The following RFFL variants were observed in gnomAD, a reference collection of about 807,000 sequenced individuals.
RFFL encodes the protein ring finger and FYVE like domain containing E3 ubiquitin protein ligase, also known as E3 ubiquitin-protein ligase rififylin.
RFFL carries 16 observed loss-of-function variants against 40.4 expected under a neutral mutation model. That is an observed-to-expected ratio of 0.40 (90% CI 0.27 to 0.60). RFFL has a LOEUF of 0.60. Ranked by LOEUF, RFFL falls within the 20% of genes least tolerant of loss-of-function variation. RFFL has a pLI of 0.47. For synonymous variants in RFFL, 154 were observed against 167.9 expected (o/e 0.92, Z 0.64); for missense variants, 367 against 451.7 (o/e 0.81, Z 1.70).
intron 6 of RFFL, among the ~76,000 whole-genome samples, chr17:35,013,080 G>A (rs886945739): frequency 6.6e-6 from 1 of 152,228 alleles, no homozygotes; most frequent in African/African-American, 2.4e-5. Context: ...TTAACTCACT[G>A]AAGCCTCACA....
At chr17:35,067,805 G>A (rs1300629716), upstream of RFFL, among the ~76,000 whole-genome samples, 1 of 152,024 alleles carries the variant, frequency 6.6e-6, no homozygotes, top group African/African-American at 2.4e-5. Context: ...TTGAGAAAAA[G>A]GACACAGCTA....
intron 1 of RFFL, among the ~76,000 whole-genome samples, chr17:35,078,148 C>A (rs2091386147): frequency 6.6e-6 from 1 of 152,028 alleles, no homozygotes; most frequent in African/African-American, 2.4e-5. Flanking sequence ...GGCTAGGAAC[C>A]AGGAATCTTT....
intron 6 of RFFL, 71 bp from the exon 7 acceptor site, chr17:35,012,220 A>G (rs2090945412): frequency 7.4e-7 from 1 of 1,354,464 alleles, no homozygotes; most frequent in Middle Eastern, 2.0e-4. Flanking sequence ...TATAGGGGTG[A>G]CTGGGGGAGG....
chr17:35,007,607 T>C lies in RFFL; in HGVS notation c.*4361A>G, dbSNP rs535727457. 1 of 152,422 alleles carries C rather than the reference T, an allele frequency of 6.6e-6. No individual in the cohort carries two copies. Among genetic ancestry groups the C allele is most frequent in the South Asian group, 2.1e-4 (1 of 4,822 alleles). 9.4% of individuals were successfully genotyped at this position (152,422 alleles called of 1,614,324 possible). A position where few individuals can be genotyped will look rare whatever the true frequency, so the allele number is the denominator to read the frequency against. Reference sequence around the variant, plus strand: ...CCTTTCTCTTCTCAGTCACAGCAGATGGACACATAATCTTGTTCTCCCAGG... The same window carrying C: ...CCTTTCTCTTCTCAGTCACAGCAGACGGACACATAATCTTGTTCTCCCAGG... On this transcript the variant is annotated 3_prime_UTR_variant, in exon 7 of 7. Coordinates refer to ENST00000394597, the MANE Select transcript of RFFL (RefSeq NM_001017368.2).
Position 35,026,490 on chromosome 17 carries a change from G to T in RFFL, c.64C>A (p.Gln22Lys), listed in dbSNP as rs767637289. 1.9e-6 allele frequency: 3 copies of T among 1,612,210 alleles called. No homozygotes were observed. The highest frequency in any genetic ancestry group is 2.5e-6 in the Non-Finnish European group (3 of 1,179,412). ...GAATAGGCCTGCATCCTGGCTCCCT[G>T]GGGTGGTGGGACCTCCTCAGGCTGT... ...DGQPEEVPPP[Q>K]GARMQAYSNP... The change falls in exon 2 of 7, where the codon CAG becomes AAG. Residue 22 changes from glutamine (Q) to lysine (K), a missense_variant. Coordinates refer to ENST00000394597, the MANE Select transcript of RFFL (RefSeq NM_001017368.2).
chr17:35,057,950 G>C (rs573254894), intron 1 of RFFL, among the ~76,000 whole-genome samples: 5 of 151,734 alleles, frequency 3.3e-5, no homozygotes, highest in South Asian at 2.1e-4. Context: ...ATGTATTTTT[G>C]TCTATTATAC....
chr17:35,033,387 G>C (rs1238185883), intron 1 of RFFL, among the ~76,000 whole-genome samples: 15 of 151,792 alleles, frequency 9.9e-5, no homozygotes, highest in Admixed American at 9.8e-4. Flanking sequence ...AATTACCCGG[G>C]TATGGTAGCA....
intron 3 of RFFL, among the ~76,000 whole-genome samples, chr17:35,020,532 G>A (rs2091002116): frequency 6.6e-6 from 1 of 151,630 alleles, no homozygotes; most frequent in African/African-American, 2.4e-5. Flanking sequence ...ACCCCAGTCT[G>A]TGGAAAAATT....
chr17:35,046,825 C>T (rs1433497240), intron 1 of RFFL, among the ~76,000 whole-genome samples: 2 of 152,216 alleles, frequency 1.3e-5, no homozygotes, highest in African/African-American at 4.8e-5. Flanking sequence ...AATTAAATGG[C>T]TGCTTCTTAG....
chr17:35,052,152 C>A (rs1243086862), intron 1 of RFFL, among the ~76,000 whole-genome samples: 2 of 152,190 alleles, frequency 1.3e-5, no homozygotes, highest in Non-Finnish European at 2.9e-5. Flanking sequence ...TGCATTATTT[C>A]TTTGGTCAAA....
chr17:35,056,830 G>A (rs2091264267), intron 1 of RFFL, among the ~76,000 whole-genome samples: 1 of 152,052 alleles, frequency 6.6e-6, no homozygotes, highest in Admixed American at 6.6e-5. Context: ...GAGTAGCCAG[G>A]GTAACCTTTT....
intron 1 of RFFL, among the ~76,000 whole-genome samples, chr17:35,081,920 C>T (rs776891184): frequency 1.3e-5 from 2 of 151,874 alleles, no homozygotes; most frequent in Non-Finnish European, 2.9e-5. Flanking sequence ...ATAAATGATT[C>T]CCAATCAATA....
At chr17:35,071,526 G>A (rs1177752277) in intron 1 of RFFL, among the ~76,000 whole-genome samples, 1 of 151,902 alleles carries the variant, frequency 6.6e-6, no homozygotes, top group Admixed American at 6.5e-5. Context: ...GCTGAGGCAG[G>A]AGACTTGCTT....
chr17:35,013,686 A>G (rs1289978409), intron 6 of RFFL, among the ~76,000 whole-genome samples: 7 of 152,328 alleles, frequency 4.6e-5, no homozygotes, highest in East Asian at 1.9e-4. Flanking sequence ...AGACTATACA[A>G]ATACCTAAGA....
At chr17:35,047,321 G>A (rs1305314863) in intron 1 of RFFL, among the ~76,000 whole-genome samples, 1 of 152,174 alleles carries the variant, frequency 6.6e-6, no homozygotes, top group African/African-American at 2.4e-5. Flanking sequence ...AAAGTGGACT[G>A]CACGAAAATT....
At chr17:35,027,260 T>C (rs1383330632) in intron 1 of RFFL, among the ~76,000 whole-genome samples, 3 of 152,192 alleles carry the variant, frequency 2.0e-5, no homozygotes, top group Non-Finnish European at 4.4e-5. Context: ...TATTATACTT[T>C]CTTGCACAGT....
intron 1 of RFFL, among the ~76,000 whole-genome samples, chr17:35,027,988 G>A (rs1034970023): frequency 3.3e-5 from 5 of 150,418 alleles, no homozygotes; most frequent in South Asian, 2.1e-4. Flanking sequence ...ACGGGAGATC[G>A]TGCCATTGCA....
rs1306964893 is a variant in RFFL, at chr17:35,009,287, C to T, written c.*2681G>A. On this transcript the variant is annotated 3_prime_UTR_variant, in exon 7 of 7. Coordinates refer to ENST00000394597, the MANE Select transcript of RFFL (RefSeq NM_001017368.2). ...ACAAATTTATACAATGTATATTGAG[C>T]ACTAGTTCCTGTACAGCTTATTCTT... The T allele has an allele frequency of 6.6e-6, 1 of 152,434 alleles. No individual in the cohort carries two copies. The highest frequency in any genetic ancestry group is 1.5e-5 in the Non-Finnish European group (1 of 68,036). 9.4% of individuals were successfully genotyped at this position (152,434 alleles called of 1,614,324 possible).
chr17:35,060,314 G>A (rs186749094), intron 1 of RFFL, among the ~76,000 whole-genome samples: 24 of 152,320 alleles, frequency 1.6e-4, no homozygotes, highest in East Asian at 1.3e-3. Flanking sequence ...TGATGATAAA[G>A]TGGCCTTGTA....
Sources: gnomAD v4.1 joint callset for allele counts (sites outside exome capture counted in the v4.1 genomes callset) on GRCh38, gnomAD v4.1.1 for gene constraint, MANE v1.5 for transcripts, NCBI Gene and HGNC (gene_info 2026-07-23, HGNC 2026-07-21) for gene names.